The following CABYR variants were observed in gnomAD, a reference collection of about 807,000 sequenced individuals.
CABYR encodes calcium binding tyrosine phosphorylation regulated.
In CABYR, 31 loss-of-function variants were observed where a neutral mutation model predicts 36.1. That is an observed-to-expected ratio of 0.86 (90% CI 0.64 to 1.16). The LOEUF (loss-of-function observed/expected upper bound fraction) is 1.16, where lower values mean the gene tolerates loss of function less well. CABYR is among the 50% of genes most tolerant of loss of function. The probability of loss-of-function intolerance (pLI) is 0.00; values close to 1 mark genes in which losing one functional copy is unlikely to be tolerated. For missense variants in CABYR, 429 were observed against 455.8 expected (o/e 0.94, Z 0.53); for synonymous variants, 146 against 160.7 (o/e 0.91, Z 0.69).
chr18:24,148,659 C>G (rs111585056), intron 3 of CABYR: 1,789 of 152,866 alleles, frequency 0.012, 15 homozygotes, highest in Non-Finnish European at 0.019. Context: ...CGGATGTGTT[C>G]GGAGTTTCTT....
intron 1 of CABYR, among the ~76,000 whole-genome samples, chr18:24,140,612 A>T (rs1312457354): frequency 2.0e-5 from 3 of 152,136 alleles, no homozygotes; most frequent in African/African-American, 7.2e-5. Context: ...TTGACTATAG[A>T]CACCCTGTTG....
intron 3 of CABYR, among the ~76,000 whole-genome samples, chr18:24,147,367 C>T (rs577254377): frequency 7.9e-5 from 12 of 151,674 alleles, no homozygotes; most frequent in African/African-American, 2.9e-4. Flanking sequence ...ACCCATTGTA[C>T]CCAATGGTGA....
chr18:24,156,633 T>C, intron 4 of CABYR: 1 of 1,614,176 alleles, frequency 6.2e-7, no homozygotes. Context: ...TTCCTCAGTA[T>C]ATATGGAGGC....
chr18:24,152,400 A>G (rs1181187891), intron 3 of CABYR, among the ~76,000 whole-genome samples: 3 of 152,192 alleles, frequency 2.0e-5, no homozygotes, highest in African/African-American at 7.2e-5. Flanking sequence ...TCATGCAGCT[A>G]TTAAATCTCA....
At chr18:24,161,263 A>AAGAC (rs2085973795) in intron 5 of CABYR, among the ~76,000 whole-genome samples, 1 of 151,966 alleles carries the variant, frequency 6.6e-6, no homozygotes, top group Non-Finnish European at 1.5e-5. Context: ...TATTTAAGGA[A>AAGAC]AGACAAAATT....
Position 24,161,573 on chromosome 18 carries a change from A to G in CABYR, c.*57A>G. 1 of 777,916 alleles carries G rather than the reference A, an allele frequency of 1.3e-6. No individual in the cohort carries two copies. Among genetic ancestry groups the G allele is most frequent in the Non-Finnish European group, 2.4e-6 (1 of 417,044 alleles). The allele number at this position is 777,916 out of a possible 1,614,324, so 48.2% of individuals were successfully genotyped here. A position where few individuals can be genotyped will look rare whatever the true frequency, so the allele number is the denominator to read the frequency against. ...CAGGGAGGAGTCTGCCACCAGTGTA[A>G]TGTATCAATAAACTTCATGCAAGCA... On this transcript the variant is annotated 3_prime_UTR_variant, in exon 6 of 6. Transcript: ENST00000399496.
At chr18:24,150,977 C>G (rs1302230776) in intron 3 of CABYR, among the ~76,000 whole-genome samples, 1 of 152,058 alleles carries the variant, frequency 6.6e-6, no homozygotes, top group African/African-American at 2.4e-5. Context: ...GACAGGGTTT[C>G]ACCGTGTTAG....
At position 24,143,200 on chromosome 18, in the gene CABYR, A is replaced by G. The variant is rs1245835149; in HGVS notation, c.86A>G (p.Asn29Ser). 2 of 1,614,016 alleles carry G rather than the reference A, an allele frequency of 1.2e-6. No individual in the cohort carries two copies. Among genetic ancestry groups the G allele is most frequent in the Admixed American group, 3.3e-5 (2 of 59,992 alleles). Residue 29 changes from asparagine (N) to serine (S), a missense_variant, in exon 2 of 6, where the codon AAC becomes AGC. By Grantham distance (46) the Asn-to-Ser change is conservative (BLOSUM62 1). Coordinates refer to ENST00000399496, the MANE Select transcript of CABYR (RefSeq NM_153769.3). ...ATTAGCAGAGCTGTTCTCAAAACCA[A>G]CCCATCAAACATCAACCAGTTTGCA... ...EGISRAVLKT[N>S]PSNINQFAAA...
chr18:24,156,528 A>G, intron 4 of CABYR: 1 of 1,614,196 alleles, frequency 6.2e-7, no homozygotes, highest in Non-Finnish European at 8.5e-7. Flanking sequence ...ACCACGAGTT[A>G]GTCCCAAATC....
chr18:24,140,276 A>G (rs2085277921), intron 1 of CABYR: 1 of 152,206 alleles, frequency 6.6e-6, no homozygotes, highest in African/African-American at 2.4e-5. Context: ...GGGTACTTAA[A>G]GAAAATTAGA....
At chr18:24,140,955 G>A (rs370692983) in intron 1 of CABYR, among the ~76,000 whole-genome samples, 3 of 152,028 alleles carry the variant, frequency 2.0e-5, no homozygotes, top group East Asian at 1.9e-4. Flanking sequence ...GTTGATAGAC[G>A]CTTAGGTTGC....
Position 24,160,001 on chromosome 18 carries a change from T to C in CABYR, c.1071T>C (p.Ser357=). The C allele has an allele frequency of 6.2e-7, 1 of 1,614,214 alleles. No homozygotes were observed. The highest frequency in any genetic ancestry group is 1.3e-5 in the African/African-American group (1 of 75,056). The change falls in exon 5 of 6, where the codon AGT becomes AGC. Residue 357 remains serine (S), a synonymous_variant. Transcript: ENST00000399496. The stretch of plus-strand genomic sequence containing the variant: ...GTGACAAATGTGCTCCCTTTGGAAG[T>C]TACGGTATTGCTGGGGAGGTAACCG... ...GSGDKCAPFG[S]YGIAGEVTVT...
At chr18:24,149,929 G>A (rs538343675) in intron 3 of CABYR, among the ~76,000 whole-genome samples, 61 of 152,374 alleles carry the variant, frequency 4.0e-4, no homozygotes, top group Admixed American at 6.5e-4. Flanking sequence ...TCCCGCTGGC[G>A]CCTCTCCCTC....
chr18:24,156,014 C>G lies in CABYR; in HGVS notation c.513C>G (p.Asp171Glu), dbSNP rs769689740. The G allele has an allele frequency of 6.2e-7, 1 of 1,614,208 alleles. No homozygotes were observed. The highest frequency in any genetic ancestry group is 8.5e-7 in the Non-Finnish European group (1 of 1,180,032). Residue 171 changes from aspartate to glutamate, a missense_variant, in exon 4 of 6, where the codon GAC becomes GAG. Transcript: ENST00000399496. ...VSPEFAYVPA[D>E]PAQLAAQMLA... ...CAGAGTTTGCCTACGTCCCAGCTGA[C>G]CCAGCTCAGCTTGCTGCTCAGATGT... is the stretch of plus-strand genomic sequence containing the variant.
chr18:24,143,379 A>T lies in CABYR; in HGVS notation c.165A>T (p.Ile55=). The change falls in exon 3 of 6, where the codon ATA becomes ATT. Residue 55 remains isoleucine (I), a synonymous_variant. Coordinates refer to ENST00000399496, the MANE Select transcript of CABYR (RefSeq NM_153769.3). Reference sequence around the variant, plus strand: ...CTTCAGGGAATACTACTATGGATATAAAAGATCTGGTTAAACAATTTCATC... The same window carrying T: ...CTTCAGGGAATACTACTATGGATATTAAAGATCTGGTTAAACAATTTCATC... ...TMYRGNTTMD[I]KDLVKQFHQI... is the part of the protein sequence containing the mutation. 1 of 1,580,846 alleles carries T rather than the reference A, an allele frequency of 6.3e-7. No individual in the cohort carries two copies. The highest frequency in any genetic ancestry group is 8.6e-7 in the Non-Finnish European group (1 of 1,156,432).
intron 3 of CABYR, chr18:24,148,584 G>C (rs1014316699): frequency 6.3e-6 from 1 of 159,480 alleles, no homozygotes; most frequent in Non-Finnish European, 1.4e-5. Context: ...GAATGAAGCC[G>C]CGGACCCTCA....
rs149994347 is a variant in CABYR at position 24,155,459 on chromosome 18, A to AT, written c.200-241dup. 5.8e-3 allele frequency among the ~76,000 whole-genome samples: 878 copies of AT among 152,306 alleles called. 10 individuals carry two copies. Among genetic ancestry groups the AT allele is most frequent in the African/African-American group, 0.019 (775 of 41,564 alleles). ...TCTTTTAATTTGTGTCTATACTGAC[A>AT]TCTGAATGCTTAACCCATTATTGCT... On this transcript the variant is annotated intron_variant, in intron 3 of 5. Coordinates refer to ENST00000399496, the MANE Select transcript of CABYR (RefSeq NM_153769.3).
intron 3 of CABYR, among the ~76,000 whole-genome samples, chr18:24,148,419 G>A (rs946645519): frequency 2.0e-5 from 3 of 152,154 alleles, no homozygotes; most frequent in African/African-American, 7.2e-5. Context: ...AAGAATAAGG[G>A]AGGGAATGTC....
intron 4 of CABYR, chr18:24,156,582 G>C: frequency 6.2e-7 from 1 of 1,614,190 alleles, no homozygotes; most frequent in Non-Finnish European, 8.5e-7. Flanking sequence ...AAAATCTGTA[G>C]AGTCTGTAAA....
Sources: allele counts gnomAD v4.1 joint callset (sites outside exome capture counted in the v4.1 genomes callset), GRCh38; gene constraint gnomAD v4.1.1; transcripts MANE v1.5; gene names NCBI Gene and HGNC (gene_info 2026-07-23, HGNC 2026-07-21).